The following GPC3 variants were observed in gnomAD, a reference collection of about 807,000 sequenced individuals.
The protein encoded by GPC3 is glypican-3.
GPC3 carries 3 observed loss-of-function variants against 34.4 expected under a neutral mutation model. That is an observed-to-expected ratio of 0.09 (90% CI 0.04 to 0.23). GPC3 has a LOEUF of 0.23. Among genes scored for constraint, GPC3 ranks in the 10% least tolerant of loss-of-function variants. GPC3 has a pLI of 1.00. For synonymous variants in GPC3, 177 were observed against 174.0 expected (o/e 1.02, Z -0.13); for missense variants, 351 against 445.6 (o/e 0.79, Z 1.91).
chrX:133,739,824 A>T (rs1430343551), intron 3 of GPC3, among the ~76,000 whole-genome samples: 3 of 112,397 alleles, frequency 2.7e-5, no homozygotes, highest in Non-Finnish European at 5.6e-5. Flanking sequence ...AAGAGGTTGC[A>T]GTGAGCCGAG....
intron 2 of GPC3, among the ~76,000 whole-genome samples, chrX:133,890,002 C>T (rs985558110): frequency 9.1e-6 from 1 of 110,268 alleles, no homozygotes; most frequent in Non-Finnish European, 1.9e-5. Context: ...ATCTCCTGAC[C>T]TTGTGATCCA....
At chrX:133,887,163 G>A (rs1400046392) in intron 2 of GPC3, among the ~76,000 whole-genome samples, 4 of 112,084 alleles carry the variant, frequency 3.6e-5, no homozygotes, top group South Asian at 3.7e-4. Flanking sequence ...CCTGCCACCA[G>A]TCCTGGCTAA....
intron 2 of GPC3, among the ~76,000 whole-genome samples, chrX:133,847,638 A>T (rs1265914479): frequency 8.9e-6 from 1 of 112,122 alleles, no homozygotes; most frequent in Non-Finnish European, 1.9e-5. Context: ...CAAACAGGAA[A>T]TTTTTCATAA....
chrX:133,594,082 G>A (rs1003291862), intron 7 of GPC3, among the ~76,000 whole-genome samples: 1 of 110,322 alleles, frequency 9.1e-6, no homozygotes, highest in South Asian at 3.8e-4. Context: ...GGCAACAAGA[G>A]CCAAACTCCA....
intron 2 of GPC3, among the ~76,000 whole-genome samples, chrX:133,817,172 G>GT (rs2075696102): frequency 9.0e-6 from 1 of 111,272 alleles, no homozygotes. Context: ...CATATATCTA[G>GT]TACATGACCA....
At chrX:133,913,600 G>A (rs2076210723) in intron 2 of GPC3, among the ~76,000 whole-genome samples, 1 of 111,737 alleles carries the variant, frequency 8.9e-6, no homozygotes, top group Non-Finnish European at 1.9e-5. Context: ...TTTTAATATG[G>A]AATTTCTGAT....
chrX:133,980,999 G>T (rs2076535912), intron 1 of GPC3, among the ~76,000 whole-genome samples: 1 of 112,269 alleles, frequency 8.9e-6, no homozygotes, highest in East Asian at 2.8e-4. Flanking sequence ...CAAAACTGAC[G>T]CCATCTGCGT....
intron 6 of GPC3, among the ~76,000 whole-genome samples, chrX:133,631,826 G>T (rs1445063144): frequency 4.6e-5 from 5 of 109,860 alleles, no homozygotes; most frequent in African/African-American, 1.3e-4. Flanking sequence ...AATTGGGTAT[G>T]ACGTGATAAC....
chrX:133,956,333 T>C (rs2076416214), intron 1 of GPC3, among the ~76,000 whole-genome samples: 1 of 112,562 alleles, frequency 8.9e-6, no homozygotes. Context: ...AAGAAACAGC[T>C]AGTTCTAGCT....
chrX:133,776,358 A>ACTTGGTCTGTCTCGT (rs2071980028), intron 2 of GPC3, among the ~76,000 whole-genome samples: 1 of 110,743 alleles, frequency 9.0e-6, no homozygotes, highest in Admixed American at 9.6e-5. Context: ...TTCCAGCACT[A>ACTTGGTCTGTCTCGT]CTTGGTCTGT....
At chrX:133,947,545 C>G (rs7891666) in intron 2 of GPC3, among the ~76,000 whole-genome samples, 1 of 111,904 alleles carries the variant, frequency 8.9e-6, no homozygotes, top group Non-Finnish European at 1.9e-5. Context: ...TTTTGAGACC[C>G]GATTGAATCC....
At chrX:133,942,651 T>C (rs1210694144) in intron 2 of GPC3, among the ~76,000 whole-genome samples, 2 of 111,996 alleles carry the variant, frequency 1.8e-5, no homozygotes, top group Admixed American at 9.5e-5. Flanking sequence ...TCCACTTTTT[T>C]ATTTCTTTGT....
At chrX:133,944,599 G>A (rs899180810) in intron 2 of GPC3, among the ~76,000 whole-genome samples, 4 of 111,860 alleles carry the variant, frequency 3.6e-5, no homozygotes, top group African/African-American at 1.3e-4. Context: ...ACACAAAAAT[G>A]TTACAAGTGG....
At chrX:133,694,772 CA>C (rs367670527) in intron 4 of GPC3, among the ~76,000 whole-genome samples, 8 of 99,572 alleles carry the variant, frequency 8.0e-5, no homozygotes, top group East Asian at 3.2e-4. Context: ...AAAAAACAAA[CA>C]AAAAAAAAAC....
intron 2 of GPC3, among the ~76,000 whole-genome samples, chrX:133,833,493 A>G (rs1413277227): frequency 1.8e-5 from 2 of 111,705 alleles, no homozygotes; most frequent in Non-Finnish European, 3.8e-5. Context: ...GACGCTGAGC[A>G]CTTGTTAAGC....
In GPC3 at chrX:133,944,712, G is replaced by A. The variant is rs765776932; in HGVS notation, c.337+8338C>T. On this transcript the variant is annotated intron_variant, in intron 2 of 7. Transcript: ENST00000370818. The stretch of plus-strand genomic sequence containing the variant: ...TTAAAAATGTATATGTGCCAGATAT[G>A]TGACATTCATTACTGCAAAGCAAAG... Among the ~76,000 whole-genome samples the A allele has an allele frequency of 4.5e-5, 5 of 112,336 alleles. No homozygotes were observed. The South Asian group carries it at 1.5e-3, about 34-fold the overall frequency.
Position 133,899,921 on chromosome X carries a change from G to A in GPC3, c.337+53129C>T, listed in dbSNP as rs763350756. On this transcript the variant is annotated intron_variant, in intron 2 of 7. Coordinates refer to ENST00000370818, the MANE Select transcript of GPC3 (RefSeq NM_004484.4). ...GGGTTCAAGCAATTCTCTTGCGTCA[G>A]CCTCCTGAGTAGCTAGGATTACAGG... 1.0e-3 allele frequency among the ~76,000 whole-genome samples: 116 copies of A among 111,283 alleles called. 1 individual carries two copies. The highest frequency in any genetic ancestry group is 1.6e-3 in the Non-Finnish European group (85 of 53,043).
chrX:133,747,687 C>T (rs1193466190), intron 3 of GPC3, among the ~76,000 whole-genome samples: 1 of 111,628 alleles, frequency 9.0e-6, no homozygotes, highest in East Asian at 2.8e-4. Context: ...CAAGTGACCG[C>T]TGAGGGCAAC....
chrX:133,979,524 A>G (rs2076529492), intron 1 of GPC3, among the ~76,000 whole-genome samples: 1 of 112,038 alleles, frequency 8.9e-6, no homozygotes, highest in African/African-American at 3.2e-5. Context: ...TTTACTTTGT[A>G]TATTCAACAA....
Sources: gnomAD v4.1 joint callset for allele counts (sites outside exome capture counted in the v4.1 genomes callset) on GRCh38, gnomAD v4.1.1 for gene constraint, MANE v1.5 for transcripts, NCBI Gene and HGNC (gene_info 2026-07-23, HGNC 2026-07-21) for gene names.